TMEM131: variants seen among roughly 807,000 people sequenced by gnomAD.
TMEM131 encodes the protein 2610524E03Rik.
TMEM131 carries 66 observed loss-of-function variants against 211.6 expected under a neutral mutation model. The observed-to-expected ratio is 0.31, with a 90% CI of 0.26 to 0.38. The LOEUF is 0.38. Among genes scored for constraint, TMEM131 ranks in the 10% least tolerant of loss-of-function variants. The pLI is 1.00. For synonymous variants in TMEM131, 844 were observed against 841.3 expected (o/e 1.00, Z -0.06); for missense variants, 2,036 against 2,299.3 (o/e 0.89, Z 2.34).
chr2:97,778,085 T>C lies in TMEM131; in HGVS notation c.4145-2067A>G, dbSNP rs1679819790. On this transcript the variant is annotated intron_variant, in intron 31 of 40. Transcript: ENST00000186436. ...TGCAATTATACAATTTTATCATGCT[T>C]AGGTTCATTGGGTGAGGGGCAGTAA... 2.6e-5 allele frequency among the ~76,000 whole-genome samples: 4 copies of C among 152,238 alleles called. No individual in the cohort carries two copies. The South Asian group carries it at 8.3e-4, about 32-fold the overall frequency.
chr2:97,852,503 C>A (rs1440404441), intron 5 of TMEM131, among the ~76,000 whole-genome samples: 1 of 152,096 alleles, frequency 6.6e-6, no homozygotes, highest in Non-Finnish European at 1.5e-5. Flanking sequence ...AGAGCAAGGC[C>A]CTGACTCTCT....
At chr2:97,992,321 T>G (rs1305033269) in intron 1 of TMEM131, among the ~76,000 whole-genome samples, 1 of 152,246 alleles carries the variant, frequency 6.6e-6, no homozygotes. Flanking sequence ...CTCATATGCT[T>G]TGTAAATACT....
intron 2 of TMEM131, among the ~76,000 whole-genome samples, chr2:97,916,327 G>A (rs1361658529): frequency 6.6e-6 from 1 of 152,234 alleles, no homozygotes; most frequent in East Asian, 1.9e-4. Context: ...ATGAAGTGGG[G>A]AGCAGGTATT....
Position 97,794,314 on chromosome 2 carries a change from G to A in TMEM131, c.3386+616C>T, listed in dbSNP as rs540532077. 2.7e-4 allele frequency among the ~76,000 whole-genome samples: 41 copies of A among 152,232 alleles called. 1 individual carries two copies. In the South Asian group the frequency reaches 5.4e-3, roughly 20 times the overall value. ...GCCTCCCAAAGTGCTGGGAATACAG[G>A]TGTGAGCCACCGTGCCCGGCCTGCT... On this transcript the variant is annotated intron_variant, in intron 29 of 40. Transcript: ENST00000186436.
chr2:97,761,104 C>T, intron 36 of TMEM131, 190 bp from the exon 37 acceptor site: 1 of 655,778 alleles, frequency 1.5e-6, no homozygotes, highest in African/African-American at 1.8e-5. Context: ...AGAGGGCTTT[C>T]TGGAGAAAGG....
At chr2:97,803,398 T>C (rs1181055473) in intron 22 of TMEM131, among the ~76,000 whole-genome samples, 2 of 152,290 alleles carry the variant, frequency 1.3e-5, no homozygotes, top group Non-Finnish European at 2.9e-5. Flanking sequence ...TGCAGACACA[T>C]GTAAAGTTTT....
chr2:97,984,907 A>G (rs936900143), intron 1 of TMEM131, among the ~76,000 whole-genome samples: 10 of 152,096 alleles, frequency 6.6e-5, no homozygotes, highest in Non-Finnish European at 1.3e-4. Flanking sequence ...CCCAAGTCCA[A>G]TGGGTATCCC....
At chr2:97,957,204 A>AAAGACACCAAATTTGGC (rs1171890628) in intron 1 of TMEM131, among the ~76,000 whole-genome samples, 1 of 152,206 alleles carries the variant, frequency 6.6e-6, no homozygotes, top group East Asian at 1.9e-4. Context: ...AAAAAAATTG[A>AAAGACACCAAATTTGGC]AAGACACCAA....
At chr2:97,975,743 G>A (rs1679501387) in intron 1 of TMEM131, among the ~76,000 whole-genome samples, 1 of 144,268 alleles carries the variant, frequency 6.9e-6, no homozygotes, top group Non-Finnish European at 1.5e-5. Context: ...AATTAAAAAG[G>A]AAAAACACAT....
chr2:97,788,358 CTT>C (rs912743529), intron 31 of TMEM131, among the ~76,000 whole-genome samples: 2 of 152,160 alleles, frequency 1.3e-5, no homozygotes, highest in African/African-American at 4.8e-5. Context: ...CTATTCCAAA[CTT>C]TGTCTATTTT....
At chr2:97,946,752 AAAAC>A (rs1313298357) in intron 1 of TMEM131, among the ~76,000 whole-genome samples, 2 of 152,002 alleles carry the variant, frequency 1.3e-5, no homozygotes, top group African/African-American at 4.8e-5. Flanking sequence ...TCTGATCCCC[AAAAC>A]AAATAAGGGT....
intron 4 of TMEM131, among the ~76,000 whole-genome samples, chr2:97,859,989 C>T (rs1674002041): frequency 1.3e-5 from 2 of 152,230 alleles, no homozygotes; most frequent in African/African-American, 4.8e-5. Flanking sequence ...ACCGCCAGTA[C>T]TGAACTGCCT....
chr2:97,939,017 A>G (rs1677584082), intron 1 of TMEM131, among the ~76,000 whole-genome samples: 2 of 152,346 alleles, frequency 1.3e-5, no homozygotes, highest in Admixed American at 1.3e-4. Flanking sequence ...TCTCTGGGAC[A>G]CATTTAAAGC....
chr2:97,813,615 G>C (rs72946446), intron 15 of TMEM131, among the ~76,000 whole-genome samples: 2 of 151,780 alleles, frequency 1.3e-5, no homozygotes. Context: ...TCTTCCCTAC[G>C]TATATCCCTC....
At chr2:97,951,614 CTGTTTTT>C (rs1472717063) in intron 1 of TMEM131, among the ~76,000 whole-genome samples, 1 of 152,116 alleles carries the variant, frequency 6.6e-6, no homozygotes, top group African/African-American at 2.4e-5. Flanking sequence ...ACAGGGTTTT[CTGTTTTT>C]TGTTTTTGTT....
At chr2:97,876,312 T>C (rs1051250560) in intron 4 of TMEM131, among the ~76,000 whole-genome samples, 2 of 152,162 alleles carry the variant, frequency 1.3e-5, no homozygotes, top group Admixed American at 6.5e-5. Flanking sequence ...TCTGAAACTA[T>C]TCCAAACAAC....
At chr2:97,964,635 T>C (rs1678965349) in intron 1 of TMEM131, among the ~76,000 whole-genome samples, 1 of 152,216 alleles carries the variant, frequency 6.6e-6, no homozygotes, top group Non-Finnish European at 1.5e-5. Flanking sequence ...ACCTGTTTAC[T>C]CCCAGACAGA....
At chr2:97,994,338 T>C (rs1223547445) in intron 1 of TMEM131, among the ~76,000 whole-genome samples, 1 of 152,210 alleles carries the variant, frequency 6.6e-6, no homozygotes, top group Non-Finnish European at 1.5e-5. Context: ...TTTCCACCAA[T>C]GTTAACTCAG....
Position 97,895,418 on chromosome 2 carries a change from G to C in TMEM131, c.291-7298C>G, listed in dbSNP as rs141081255. Among the ~76,000 whole-genome samples the C allele has an allele frequency of 1.3e-3, 194 of 152,242 alleles. 5 individuals carry two copies. The East Asian group carries it at 0.036, about 28-fold the overall frequency. Reference sequence around the variant, plus strand: ...AAGGAGGATTCTCTCTTTTTCTATTGATTGGAATAGTTTCAGAAGGAATGG... The same window carrying C: ...AAGGAGGATTCTCTCTTTTTCTATTCATTGGAATAGTTTCAGAAGGAATGG... On this transcript the variant is annotated intron_variant, in intron 3 of 40. Coordinates refer to ENST00000186436, the MANE Select transcript of TMEM131 (RefSeq NM_015348.2).
Sources: allele counts gnomAD v4.1 joint callset (sites outside exome capture counted in the v4.1 genomes callset), GRCh38; gene constraint gnomAD v4.1.1; transcripts MANE v1.5; gene names NCBI Gene and HGNC (gene_info 2026-07-23, HGNC 2026-07-21).